The following PAX4 variants were observed in gnomAD, a reference collection of about 807,000 sequenced individuals.
PAX4 encodes paired box 4.
Under a neutral mutation model 40.6 loss-of-function variants are expected in PAX4, and 33 were observed. The observed-to-expected ratio is 0.81, with a 90% CI of 0.62 to 1.09. The LOEUF (loss-of-function observed/expected upper bound fraction) is 1.09, where lower values mean the gene tolerates loss of function less well. PAX4 is among the 50% of genes least tolerant of loss of function. The pLI, the probability that PAX4 is intolerant of heterozygous loss-of-function variation, is 0.00. For missense variants in PAX4, 459 were observed against 442.5 expected, an observed-to-expected ratio of 1.04 and a Z score of -0.33; for synonymous variants, 174 against 170.6, an observed-to-expected ratio of 1.02 and a Z score of -0.16.
At chr7:127,614,377 G>T in intron 6 of PAX4, 105 bp downstream of exon 6, 1 of 877,926 alleles carries the variant, frequency 1.1e-6, no homozygotes, top group Non-Finnish European at 1.9e-6. Context: ...CTCCTTATTG[G>T]GTTGTTGTGA....
rs756403936 is a variant in PAX4 at position 127,614,528 on chromosome 7, T to C, written c.390A>G (p.Ala130=). The stretch of plus-strand genomic sequence containing the variant: ...ACGGTAGTCCCTGGTCCTCCTGTAA[T>C]GCCCGCAGGACTCGGTTGATGGAGG... ...SVSSINRVLR[A]LQEDQGLPCT... Residue 130 remains alanine (A), a synonymous_variant, in exon 6 of 12, where the codon GCA becomes GCG. Transcript: ENST00000639438. 1 of 1,596,684 alleles carries C rather than the reference T, an allele frequency of 6.3e-7. No homozygotes were observed. Among genetic ancestry groups the C allele is most frequent in the South Asian group, 1.1e-5 (1 of 87,724 alleles).
chr7:127,611,327 C>G (rs1274417132), intron 11 of PAX4, 121 bp from the exon 12 acceptor site: 1 of 1,308,076 alleles, frequency 7.6e-7, no homozygotes, highest in Non-Finnish European at 1.1e-6. Flanking sequence ...GAATCCCAGT[C>G]TCACATCCTT....
rs1587549094 is a variant in PAX4 at position 127,611,991 on chromosome 7, T to C, written c.725A>G (p.Gln242Arg). The change falls in exon 10 of 12, where the codon CAG (glutamine) becomes CGG (arginine). Residue 242 changes from glutamine (Q) to arginine (R), a missense_variant. Gln to Arg is a conservative substitution (Grantham distance 43). Transcript: ENST00000639438. ...KWEMQLPGAS[Q>R]GLTVPRVAPG... ...GGCAACCCTTGGTACAGTCAGCCCCTGGGAAGCACCTATAAAATGAGAGTG... is the reference window on the plus strand; with the variant it reads ...GGCAACCCTTGGTACAGTCAGCCCCCGGGAAGCACCTATAAAATGAGAGTG... 2 of 1,613,956 alleles carry C rather than the reference T, an allele frequency of 1.2e-6. No homozygotes were observed. Among genetic ancestry groups the C allele is most frequent in the South Asian group, 1.1e-5 (1 of 91,048 alleles).
intron 2 of PAX4, among the ~76,000 whole-genome samples, chr7:127,617,071 T>A (rs1213902422): frequency 6.6e-6 from 1 of 152,232 alleles, no homozygotes; most frequent in Non-Finnish European, 1.5e-5. Context: ...TGCAGTTGTA[T>A]GCTGAATAAG....
At chr7:127,616,774 T>C (rs752492935) in intron 2 of PAX4, among the ~76,000 whole-genome samples, 8 of 152,256 alleles carry the variant, frequency 5.3e-5, no homozygotes, top group Non-Finnish European at 7.3e-5. Context: ...CACTCATTCA[T>C]TCAACTAACA....
At chr7:127,615,636 G>C in intron 3 of PAX4, 105 bp from the exon 4 acceptor site, 1 of 1,598,094 alleles carries the variant, frequency 6.3e-7, no homozygotes, top group East Asian at 2.2e-5. Context: ...ACCACCGAGT[G>C]CATCCTCTCC....
chr7:127,616,430 G>A (rs1794724197), intron 2 of PAX4, among the ~76,000 whole-genome samples: 1 of 152,180 alleles, frequency 6.6e-6, no homozygotes, highest in Non-Finnish European at 1.5e-5. Flanking sequence ...GGGTCCTCAA[G>A]TTCAGGGGTC....
chr7:127,613,915 T>C, intron 6 of PAX4, 34 bp from the exon 7 acceptor site: 2 of 1,612,772 alleles, frequency 1.2e-6, no homozygotes, highest in Non-Finnish European at 1.7e-6. Flanking sequence ...TGGTGGTTTG[T>C]GATGGTGATT....
chr7:127,615,501 A>G lies in PAX4; in HGVS notation c.44T>C (p.Leu15Pro). Reference sequence around the variant, plus strand: ...AGGCAGGGGCCGGCCATTCACAAAGAGCCCCCCAAGCTGGTTCATGCTGCT... The same window carrying G: ...AGGCAGGGGCCGGCCATTCACAAAGGGCCCCCCAAGCTGGTTCATGCTGCT... ...GISSMNQLGG[L>P]FVNGRPLPLD... is the part of the protein sequence containing the mutation. Residue 15 changes from leucine (L) to proline (P), a missense_variant, in exon 4 of 12, where the codon CTC becomes CCC. Coordinates refer to ENST00000639438, the MANE Select transcript of PAX4 (RefSeq NM_001366110.1). The G allele has an allele frequency of 6.2e-7, 1 of 1,614,102 alleles. No individual in the cohort carries two copies. The highest frequency in any genetic ancestry group is 8.5e-7 in the Non-Finnish European group (1 of 1,180,008).
chr7:127,616,536 C>A (rs1794726791), intron 2 of PAX4, among the ~76,000 whole-genome samples: 1 of 152,132 alleles, frequency 6.6e-6, no homozygotes, highest in Admixed American at 6.5e-5. Flanking sequence ...TTATACTCTC[C>A]AGGAAGCTCT....
chr7:127,612,007 A>C lies in PAX4; in HGVS notation c.716-7T>G. 6.2e-7 allele frequency: 1 copy of C among 1,613,704 alleles called. No homozygotes were observed. Among genetic ancestry groups the C allele is most frequent in the Non-Finnish European group, 8.5e-7 (1 of 1,179,796 alleles). On this transcript the variant is annotated splice_region_variant and splice_polypyrimidine_tract_variant and intron_variant, in intron 9 of 11. Transcript: ENST00000639438. ...GTCAGCCCCTGGGAAGCACCTATAAAATGAGAGTGAATCCACTCAGAAGGA... is the reference window on the plus strand; with the variant it reads ...GTCAGCCCCTGGGAAGCACCTATAACATGAGAGTGAATCCACTCAGAAGGA...
Position 127,610,416 on chromosome 7 carries a change from T to C in PAX4, c.*648A>G, listed in dbSNP as rs1351441785. The C allele has an allele frequency of 2.5e-5, 4 of 159,068 alleles. No individual in the cohort carries two copies. The highest frequency in any genetic ancestry group is 4.2e-5 in the Non-Finnish European group (3 of 72,244). 9.9% of individuals were successfully genotyped at this position (159,068 alleles called of 1,614,324 possible). A position where few individuals can be genotyped will look rare whatever the true frequency, so the allele number is the denominator to read the frequency against. On this transcript the variant is annotated 3_prime_UTR_variant, in exon 12 of 12. Transcript: ENST00000639438. Reference sequence around the variant, plus strand: ...TACATATGACAAAAATACATAATTTTCTTAGATTAAGAAGTTACAGTAAAT... The same window carrying C: ...TACATATGACAAAAATACATAATTTCCTTAGATTAAGAAGTTACAGTAAAT...
At chr7:127,615,248 C>A (rs957148264) in intron 4 of PAX4, 153 bp from the exon 5 acceptor site, 2 of 1,593,052 alleles carry the variant, frequency 1.3e-6, no homozygotes. Context: ...GGGCCTGAGG[C>A]TCCCCTTTTC....
chr7:127,612,062 G>A (rs371767256), intron 9 of PAX4, 62 bp from the exon 10 acceptor site: 2 of 1,517,612 alleles, frequency 1.3e-6, no homozygotes, highest in Non-Finnish European at 1.8e-6. Flanking sequence ...GGAGGAGTGT[G>A]GTGAGAGGCA....
chr7:127,611,894 A>G, intron 10 of PAX4, 51 bp downstream of exon 10: 2 of 1,612,118 alleles, frequency 1.2e-6, no homozygotes, highest in Non-Finnish European at 8.5e-7. Context: ...GGAAGAGCCC[A>G]TGAGCCCTTC....
At chr7:127,613,000 G>A in intron 9 of PAX4, 22 bp downstream of exon 9, 2 of 1,593,140 alleles carry the variant, frequency 1.3e-6, no homozygotes, top group South Asian at 2.2e-5. Context: ...CGGGCAGATG[G>A]ATGATGGTGC....
At chr7:127,616,554 C>T (rs1253943774) in intron 2 of PAX4, among the ~76,000 whole-genome samples, 18 of 152,180 alleles carry the variant, frequency 1.2e-4, no homozygotes, top group Admixed American at 1.2e-3. Flanking sequence ...TCTAGGGAAA[C>T]TGGGACTCAG....
At position 127,611,098 on chromosome 7, in the gene PAX4, C is replaced by G. The variant is rs2233584; in HGVS notation, c.1022G>C (p.Trp341Ser). 3 of 1,607,758 alleles carry G rather than the reference C, an allele frequency of 1.9e-6. No individual in the cohort carries two copies. The highest frequency in any genetic ancestry group is 1.3e-5 in the African/African-American group (1 of 74,966). ...ASLSGSQALLWPGCPLLYGLE is the reference protein window; with the variant it reads ...ASLSGSQALLSPGCPLLYGLE The stretch of plus-strand genomic sequence containing the variant: ...GCCATACAGTAGTGGGCAGCCAGGC[C>G]AGAGCAGGGCCTGAGAGCCACTAAG... Residue 341 changes from tryptophan (W) to serine (S), a missense_variant, in exon 12 of 12, where the codon TGG becomes TCG. Transcript: ENST00000639438.
chr7:127,613,189 C>T (rs1794664693), intron 8 of PAX4, 98 bp from the exon 9 acceptor site: 1 of 1,075,092 alleles, frequency 9.3e-7, no homozygotes, highest in African/African-American at 1.5e-5. Context: ...AGAATGTTGA[C>T]CCTTCCTTGG....
Sources: gnomAD v4.1 joint callset for allele counts (sites outside exome capture counted in the v4.1 genomes callset) on GRCh38, gnomAD v4.1.1 for gene constraint, MANE v1.5 for transcripts, NCBI Gene and HGNC (gene_info 2026-07-23, HGNC 2026-07-21) for gene names.